The following STOX2 variants were observed in gnomAD, a reference collection of about 807,000 sequenced individuals.
STOX2 encodes storkhead-box protein 2.
In STOX2, 28 loss-of-function variants were observed where a neutral mutation model predicts 60.9. The observed-to-expected ratio is 0.46, with a 90% CI of 0.34 to 0.63. The LOEUF is 0.63. Ranked by LOEUF, STOX2 falls within the 30% of genes least tolerant of loss-of-function variation. The pLI is 0.01. For synonymous variants in STOX2, 472 were observed against 463.9 expected, an observed-to-expected ratio of 1.02 and a Z score of -0.22; for missense variants, 1,024 against 1,187.7, an observed-to-expected ratio of 0.86 and a Z score of 2.03.
chr4:183,970,682 A>C (rs1488043339), intron 1 of STOX2, among the ~76,000 whole-genome samples: 1 of 152,166 alleles, frequency 6.6e-6, no homozygotes, highest in African/African-American at 2.4e-5. Context: ...CTCTGTCCCC[A>C]CTGGTTCCCC....
intron 1 of STOX2, among the ~76,000 whole-genome samples, chr4:183,997,004 A>T (rs1733371893): frequency 6.6e-6 from 1 of 152,230 alleles, no homozygotes; most frequent in Admixed American, 6.5e-5. Flanking sequence ...TTCAACAAAT[A>T]TTTGTTGGGT....
chr4:183,925,884 T>G (rs911446061), intron 1 of STOX2, among the ~76,000 whole-genome samples: 121 of 149,150 alleles, frequency 8.1e-4, no homozygotes, highest in African/African-American at 2.9e-3. Flanking sequence ...GAAAACAGGG[T>G]TTTTTTTTTC....
rs541037766 is a variant in STOX2, at chr4:183,974,118, G to C, written c.167-27207G>C. On this transcript the variant is annotated intron_variant, in intron 1 of 3. Coordinates refer to ENST00000308497, the MANE Select transcript of STOX2 (RefSeq NM_020225.3). ...AAGAGGTTAAAAGGACTAAAATGAT[G>C]GTAAGATTTACCACTTGAAGTAGTA... Among the ~76,000 whole-genome samples the C allele has an allele frequency of 2.0e-5, 3 of 152,150 alleles. No homozygotes were observed. In the South Asian group the frequency reaches 6.2e-4, roughly 32 times the overall value.
chr4:183,932,048 TGG>T (rs1742440395), intron 1 of STOX2, among the ~76,000 whole-genome samples: 1 of 151,920 alleles, frequency 6.6e-6, no homozygotes, highest in Admixed American at 6.6e-5. Flanking sequence ...GGCTGAGTGG[TGG>T]GCAGAGCTGA....
At chr4:183,850,319 GA>G (rs200301742) in intron 1 of STOX2, among the ~76,000 whole-genome samples, 349 of 149,700 alleles carry the variant, frequency 2.3e-3, no homozygotes, top group African/African-American at 7.3e-3. Flanking sequence ...TCTTCAAGGA[GA>G]AAAAAAAAAT....
At chr4:183,845,631 G>C (rs1237806280) in intron 1 of STOX2, among the ~76,000 whole-genome samples, 1 of 152,186 alleles carries the variant, frequency 6.6e-6, no homozygotes. Flanking sequence ...GTGATGTGGA[G>C]AGGATACAGC....
chr4:183,887,095 C>T (rs771449758), intron 1 of STOX2, among the ~76,000 whole-genome samples: 3 of 151,846 alleles, frequency 2.0e-5, no homozygotes, highest in Non-Finnish European at 4.4e-5. Context: ...CCTGTCTCTC[C>T]TAAAAATGCA....
intron 1 of STOX2, among the ~76,000 whole-genome samples, chr4:183,932,799 T>C (rs1330876543): frequency 6.6e-6 from 1 of 152,168 alleles, no homozygotes; most frequent in Non-Finnish European, 1.5e-5. Context: ...CAACGTTGTC[T>C]CCCAACTCCC....
rs781773365 is a variant in STOX2, at chr4:184,011,440, CTG to C, written c.2585+20_2585+21del. The stretch of plus-strand genomic sequence containing the variant: ...CTCCCCACGGTAGGGAGAGGTGTCT[CTG>C]TGCACACACATGCGCCTAGCGGGGC... On this transcript the variant is annotated intron_variant, in intron 3 of 3. Transcript: ENST00000308497. This position sits in a 1 kb window ranked among gnomAD's most constrained non-coding sequence, Gnocchi z 4.4. 1.9e-6 allele frequency: 3 copies of C among 1,604,312 alleles called. No homozygotes were observed. The highest frequency in any genetic ancestry group is 2.6e-6 in the Non-Finnish European group (3 of 1,174,908).
intron 1 of STOX2, among the ~76,000 whole-genome samples, chr4:183,891,579 T>G (rs774110720): frequency 6.6e-6 from 1 of 151,180 alleles, no homozygotes; most frequent in African/African-American, 2.4e-5. Context: ...GGTATAAGAA[T>G]GATACACTGG....
At position 183,906,747 on chromosome 4, in the gene STOX2, C is replaced by T. The variant is rs1383670154; in HGVS notation, c.-44C>T. On this transcript the variant is annotated 5_prime_UTR_variant, in exon 1 of 4. Transcript: ENST00000308497. Reference sequence around the variant, plus strand: ...GATGAAGGAGCGCGCTGCGCCCCGGCGCTGAGGCCCCGAGGATCGGGGCGG... The same window carrying T: ...GATGAAGGAGCGCGCTGCGCCCCGGTGCTGAGGCCCCGAGGATCGGGGCGG... The T allele has an allele frequency of 6.8e-7, 1 of 1,470,106 alleles. No individual in the cohort carries two copies. Among genetic ancestry groups the T allele is most frequent in the Non-Finnish European group, 9.1e-7 (1 of 1,103,636 alleles). The allele number at this position is 1,470,106 out of a possible 1,614,324, so 91.1% of individuals were successfully genotyped here. A position where few individuals can be genotyped will look rare whatever the true frequency, so the allele number is the denominator to read the frequency against.
chr4:183,967,110 C>T (rs1432084372), intron 1 of STOX2, among the ~76,000 whole-genome samples: 1 of 152,098 alleles, frequency 6.6e-6, no homozygotes, highest in Non-Finnish European at 1.5e-5. Context: ...CGCCTGTAAT[C>T]CCAGCACTTT....
intron 1 of STOX2, among the ~76,000 whole-genome samples, chr4:183,819,767 T>C (rs929977288): frequency 1.3e-5 from 2 of 152,222 alleles, no homozygotes; most frequent in African/African-American, 4.8e-5. Flanking sequence ...TTGAACGGCA[T>C]CGCCCCACTA....
chr4:183,809,309 C>A (rs970849269), intron 1 of STOX2, among the ~76,000 whole-genome samples: 39 of 152,144 alleles, frequency 2.6e-4, no homozygotes, highest in African/African-American at 8.7e-4. Flanking sequence ...AGGCTGGTCT[C>A]GAACTCTTCC....
intron 1 of STOX2, among the ~76,000 whole-genome samples, chr4:183,876,399 G>T (rs1490993697): frequency 2.0e-5 from 3 of 152,188 alleles, no homozygotes; most frequent in African/African-American, 7.2e-5. Context: ...TCAGCCTCCT[G>T]GTTGGCTCTG....
At chr4:183,978,336 G>A (rs1732521013) in intron 1 of STOX2, among the ~76,000 whole-genome samples, 1 of 152,112 alleles carries the variant, frequency 6.6e-6, no homozygotes, top group Admixed American at 6.6e-5. Context: ...AATTTTTCCA[G>A]CAGCATTGAT....
At position 183,892,432 on chromosome 4, in the gene STOX2, C is replaced by T. The variant is rs566474855; in HGVS notation, c.364+94377C>T. Among the ~76,000 whole-genome samples, 36 of 152,166 alleles carry T rather than the reference C, an allele frequency of 2.4e-4. 1 individual carries two copies. Among genetic ancestry groups the T allele is most frequent in the African/African-American group, 8.2e-4 (34 of 41,412 alleles). ...TAGCTGGGACTATGGGCGCCCGCCA[C>T]CACGCCCGGCTAATTTTTTTTGTAT... On this transcript the variant is annotated intron_variant, in intron 1 of 2. Transcript: ENST00000513034.
At chr4:183,840,137 T>A (rs931573350) in intron 1 of STOX2, among the ~76,000 whole-genome samples, 2 of 152,172 alleles carry the variant, frequency 1.3e-5, no homozygotes, top group African/African-American at 4.8e-5. Context: ...TTTTCTCCGC[T>A]TTGTTGTGAA....
At chr4:183,879,437 C>T (rs1172942158) in intron 1 of STOX2, among the ~76,000 whole-genome samples, 6 of 152,208 alleles carry the variant, frequency 3.9e-5, no homozygotes, top group African/African-American at 7.2e-5. Flanking sequence ...AATAGTTTCT[C>T]GGGTGTTTGT....
Sources: allele counts gnomAD v4.1 joint callset (sites outside exome capture counted in the v4.1 genomes callset), GRCh38; gene constraint gnomAD v4.1.1; non-coding constraint Gnocchi (gnomAD v3.1); transcripts MANE v1.5; gene names NCBI Gene and HGNC (gene_info 2026-07-23, HGNC 2026-07-21).